OTOGL: variants seen among roughly 807,000 people sequenced by gnomAD.
The protein encoded by OTOGL is otogelin-like protein.
OTOGL carries 285 observed loss-of-function variants against 318.5 expected under a neutral mutation model. The ratio of observed to expected loss-of-function variants is 0.89; its 90% CI spans 0.81 to 0.99. The LOEUF is 0.99. Ranked by LOEUF, OTOGL falls within the 50% of genes least tolerant of loss-of-function variation. The pLI is 0.00. For missense variants in OTOGL, 2,899 were observed against 2,845.6 expected (o/e 1.02, Z -0.43); for synonymous variants, 987 against 936.5 (o/e 1.05, Z -0.99).
intron 1 of OTOGL, chr12:80,103,246 T>C (rs1869248934): frequency 6.7e-7 from 1 of 1,487,072 alleles, no homozygotes; most frequent in Non-Finnish European, 9.4e-7. Flanking sequence ...AGGGAAGACA[T>C]AATCTTCCTT....
At chr12:80,130,699 G>C (rs1174245664) in intron 1 of OTOGL, among the ~76,000 whole-genome samples, 1 of 152,204 alleles carries the variant, frequency 6.6e-6, no homozygotes, top group East Asian at 1.9e-4. Context: ...GAACACCAAA[G>C]AGGGGGGCAA....
intron 1 of OTOGL, among the ~76,000 whole-genome samples, chr12:80,161,075 T>G (rs1398746284): frequency 2.6e-5 from 4 of 151,980 alleles, no homozygotes; most frequent in Admixed American, 2.0e-4. Context: ...CTTTGGGGAC[T>G]CGGGGGAAAG....
chr12:80,171,394 G>GT (rs545122754), intron 1 of OTOGL, among the ~76,000 whole-genome samples: 6 of 151,952 alleles, frequency 3.9e-5, no homozygotes, highest in South Asian at 2.1e-4. Flanking sequence ...TTCTTTGTTT[G>GT]TTTTTTTGTT....
chr12:80,211,894 T>C (rs368146002), intron 3 of OTOGL, 55 bp from the exon 4 acceptor site: 50 of 1,388,664 alleles, frequency 3.6e-5, no homozygotes, highest in Non-Finnish European at 4.7e-5. Flanking sequence ...GGGAAAGGCT[T>C]GTTCAGGTTG....
At chr12:80,363,176 C>A (rs897452955) in intron 52 of OTOGL, among the ~76,000 whole-genome samples, 6 of 152,098 alleles carry the variant, frequency 3.9e-5, no homozygotes, top group African/African-American at 1.4e-4. Flanking sequence ...TTATTATTTT[C>A]ATTTATTTCT....
At chr12:80,261,805 T>C (rs557635329) in intron 18 of OTOGL, among the ~76,000 whole-genome samples, 164 bp from the exon 19 acceptor site, 1 of 151,962 alleles carries the variant, frequency 6.6e-6, no homozygotes, top group South Asian at 2.1e-4. Context: ...GTCAGTAATA[T>C]GGAGCTTAAT....
At chr12:80,158,316 T>C (rs61950569) in intron 1 of OTOGL, among the ~76,000 whole-genome samples, 3,352 of 152,212 alleles carry the variant, frequency 0.022, 52 homozygotes, top group Non-Finnish European at 0.034. Flanking sequence ...TCCAGGAGAC[T>C]TATCAGGCTC....
chr12:80,317,926 G>C (rs1887074953), intron 32 of OTOGL, among the ~76,000 whole-genome samples: 1 of 152,146 alleles, frequency 6.6e-6, no homozygotes, highest in African/African-American at 2.4e-5. Flanking sequence ...AAAGTCCCTA[G>C]TGAAGCTCTT....
At chr12:80,309,899 G>A (rs1032586441) in intron 29 of OTOGL, among the ~76,000 whole-genome samples, 9 of 152,130 alleles carry the variant, frequency 5.9e-5, no homozygotes, top group African/African-American at 1.7e-4. Flanking sequence ...TATTCAGGGC[G>A]TTGAAGCCAG....
intron 35 of OTOGL, among the ~76,000 whole-genome samples, chr12:80,326,897 C>T (rs1887709238): frequency 6.6e-6 from 1 of 152,174 alleles, no homozygotes. Context: ...CAGCATTTAC[C>T]TTTAGTGCCG....
At chr12:80,202,460 A>C (rs1260229311) in intron 1 of OTOGL, among the ~76,000 whole-genome samples, 1 of 151,888 alleles carries the variant, frequency 6.6e-6, no homozygotes, top group Non-Finnish European at 1.5e-5. Context: ...TTTAGTAGAG[A>C]CTGGGTTTCA....
intron 16 of OTOGL, among the ~76,000 whole-genome samples, chr12:80,255,399 T>G (rs1032372207): frequency 9.2e-5 from 14 of 152,070 alleles, no homozygotes; most frequent in African/African-American, 3.4e-4. Flanking sequence ...CGCATCTTGA[T>G]CTCAGAGATA....
rs117908271 is a variant in OTOGL at position 80,143,806 on chromosome 12, G to A, written c.-20+44201G>A. 9.6e-4 allele frequency among the ~76,000 whole-genome samples: 146 copies of A among 152,236 alleles called. 2 individuals carry two copies. The highest frequency in any genetic ancestry group is 3.1e-3 in the African/African-American group (128 of 41,548). ...CAGTAAATAATGTGCTCAATGTTGC[G>A]TCAGTCACTATTTTATTTATAGAAT... On this transcript the variant is annotated intron_variant, in intron 1 of 58. Transcript: ENST00000547103.
intron 1 of OTOGL, among the ~76,000 whole-genome samples, chr12:80,143,217 C>G (rs1454694540): frequency 6.6e-6 from 1 of 152,084 alleles, no homozygotes; most frequent in Admixed American, 6.5e-5. Flanking sequence ...TACCCCATAC[C>G]CCACTATAGA....
intron 3 of OTOGL, among the ~76,000 whole-genome samples, chr12:80,211,185 A>G (rs1188829007): frequency 6.6e-6 from 1 of 152,066 alleles, no homozygotes; most frequent in African/African-American, 2.4e-5. Flanking sequence ...AAAAGTTTGT[A>G]AAATAAGTTA....
chr12:80,151,109 C>T (rs1216838779), intron 1 of OTOGL, among the ~76,000 whole-genome samples: 1 of 152,048 alleles, frequency 6.6e-6, no homozygotes, highest in Non-Finnish European at 1.5e-5. Context: ...CAAAAATTTT[C>T]CTAGGAGGAA....
At chr12:80,152,724 T>C (rs1418185298) in intron 1 of OTOGL, among the ~76,000 whole-genome samples, 1 of 152,210 alleles carries the variant, frequency 6.6e-6, no homozygotes, top group African/African-American at 2.4e-5. Context: ...AGTGTCACTT[T>C]GTCACCAAGG....
intron 1 of OTOGL, among the ~76,000 whole-genome samples, chr12:80,177,370 A>T (rs1052801090): frequency 2.0e-5 from 3 of 152,230 alleles, no homozygotes; most frequent in Non-Finnish European, 4.4e-5. Context: ...TAAAGAGATT[A>T]TCCTTGCCCC....
intron 1 of OTOGL, among the ~76,000 whole-genome samples, chr12:80,100,363 A>G (rs1358268626): frequency 2.0e-5 from 3 of 152,198 alleles, no homozygotes; most frequent in Non-Finnish European, 4.4e-5. Context: ...TAAATGCTTG[A>G]AGTGATGGAT....
Sources: allele counts gnomAD v4.1 joint callset (sites outside exome capture counted in the v4.1 genomes callset), GRCh38; gene constraint gnomAD v4.1.1; transcripts MANE v1.5; gene names NCBI Gene and HGNC (gene_info 2026-07-23, HGNC 2026-07-21).